SNX7: variants seen among roughly 807,000 people sequenced by gnomAD.
SNX7 encodes the protein sorting nexin 7.
A neutral mutation model predicts 48.4 loss-of-function variants in SNX7; 35 were observed. That is an observed-to-expected ratio of 0.72 (90% CI 0.55 to 0.96). The LOEUF is 0.96. SNX7 is among the 40% of genes least tolerant of loss of function. The pLI is 0.00. For missense variants in SNX7, 553 were observed against 548.9 expected, an observed-to-expected ratio of 1.01 and a Z score of -0.07; for synonymous variants, 190 against 190.2, an observed-to-expected ratio of 1.00 and a Z score of 0.01.
chr1:98,683,253 A>G (rs1057473051), intron 1 of SNX7, among the ~76,000 whole-genome samples: 6 of 152,114 alleles, frequency 3.9e-5, no homozygotes, highest in Admixed American at 3.3e-4. Context: ...CCTACACCAA[A>G]TAATAAAAAG....
chr1:98,756,435 T>TG (rs1383976536), intron 8 of SNX7, among the ~76,000 whole-genome samples: 5 of 145,968 alleles, frequency 3.4e-5, no homozygotes, highest in Admixed American at 1.4e-4. Context: ...TTTTTTTTTT[T>TG]TTTTTTTTTT....
Position 98,718,508 on chromosome 1 carries a change from C to T in SNX7, c.1125+16605C>T, listed in dbSNP as rs189874430. On this transcript the variant is annotated intron_variant, in intron 7 of 8. Transcript: ENST00000306121. ...AGGTACTTCAACATTTCATTCATCCCGTAAGATATATAGTCTTCAGCTCTA... is the reference window on the plus strand; with the variant it reads ...AGGTACTTCAACATTTCATTCATCCTGTAAGATATATAGTCTTCAGCTCTA... Among the ~76,000 whole-genome samples, 7 of 152,142 alleles carry T rather than the reference C, an allele frequency of 4.6e-5. No homozygotes were observed. In the East Asian group the frequency reaches 5.8e-4, roughly 13 times the overall value.
At chr1:98,730,725 C>A (rs4341382) in intron 7 of SNX7, among the ~76,000 whole-genome samples, 143,267 of 152,142 alleles carry the variant, frequency 0.94, 67,820 homozygotes, top group Non-Finnish European at 0.99. Flanking sequence ...AAGGAGAATG[C>A]CAAACCATTG....
intron 8 of SNX7, among the ~76,000 whole-genome samples, chr1:98,738,620 C>T (rs1653916032): frequency 6.6e-6 from 1 of 152,124 alleles, no homozygotes; most frequent in Admixed American, 6.5e-5. Flanking sequence ...AATGATTGTC[C>T]TAACTACTCC....
chr1:98,742,288 G>A (rs1271597072), intron 8 of SNX7, among the ~76,000 whole-genome samples: 4 of 152,092 alleles, frequency 2.6e-5, no homozygotes, highest in Non-Finnish European at 5.9e-5. Context: ...GGTGTCTATG[G>A]CACATAGCAG....
chr1:98,706,718 G>C (rs1225527021), intron 7 of SNX7, among the ~76,000 whole-genome samples: 5 of 152,094 alleles, frequency 3.3e-5, no homozygotes, highest in Admixed American at 3.3e-4. Context: ...GTGATGTTAA[G>C]GGGTCAGAAG....
At chr1:98,719,848 G>GT (rs1433360921) in intron 7 of SNX7, among the ~76,000 whole-genome samples, 1 of 130,458 alleles carries the variant, frequency 7.7e-6, no homozygotes, top group Admixed American at 8.2e-5. Context: ...TAAATATGAG[G>GT]TTTTTGAGTC....
intron 7 of SNX7, 81 bp downstream of exon 7, chr1:98,701,984 C>A: frequency 1.1e-6 from 1 of 926,936 alleles, no homozygotes; most frequent in Non-Finnish European, 1.7e-6. Context: ...ACATGATTGT[C>A]CTTACATGAT....
At chr1:98,705,275 G>A (rs1328475926) in intron 7 of SNX7, among the ~76,000 whole-genome samples, 3 of 152,134 alleles carry the variant, frequency 2.0e-5, no homozygotes, top group African/African-American at 7.2e-5. Flanking sequence ...TCATTTGAAG[G>A]TCAGTTCAGC....
intron 1 of SNX7, among the ~76,000 whole-genome samples, chr1:98,668,051 T>C (rs1225040578): frequency 6.6e-6 from 1 of 152,232 alleles, no homozygotes; most frequent in African/African-American, 2.4e-5. Flanking sequence ...AGTATTCTTT[T>C]ATATTTCTCC....
chr1:98,742,822 G>T (rs902945673), intron 8 of SNX7, among the ~76,000 whole-genome samples: 10 of 151,890 alleles, frequency 6.6e-5, no homozygotes, highest in Non-Finnish European at 1.2e-4. Flanking sequence ...TTTGGAATGT[G>T]TCAGCATAAA....
At chr1:98,727,651 A>G (rs1275386407) in intron 7 of SNX7, among the ~76,000 whole-genome samples, 1 of 152,128 alleles carries the variant, frequency 6.6e-6, no homozygotes, top group Non-Finnish European at 1.5e-5. Flanking sequence ...CAGGCATTAC[A>G]GGAGCTGTTA....
intron 7 of SNX7, among the ~76,000 whole-genome samples, chr1:98,722,017 A>G (rs1242439729): frequency 6.6e-6 from 1 of 152,074 alleles, no homozygotes; most frequent in Non-Finnish European, 1.5e-5. Context: ...TACCTGTTCT[A>G]AAATGTGGCC....
intron 1 of SNX7, among the ~76,000 whole-genome samples, chr1:98,671,406 TA>T (rs1350722620): frequency 1.3e-5 from 2 of 152,308 alleles, no homozygotes; most frequent in African/African-American, 4.8e-5. Context: ...AATACTGACA[TA>T]AAAATCTGCT....
intron 8 of SNX7, among the ~76,000 whole-genome samples, chr1:98,758,202 A>G (rs1193258467): frequency 6.6e-6 from 1 of 152,066 alleles, no homozygotes; most frequent in Non-Finnish European, 1.5e-5. Flanking sequence ...GGACAATTAT[A>G]AATTACAGTC....
intron 7 of SNX7, among the ~76,000 whole-genome samples, chr1:98,710,341 A>C (rs1030341563): frequency 6.6e-6 from 1 of 152,180 alleles, no homozygotes; most frequent in Non-Finnish European, 1.5e-5. Flanking sequence ...GGGGAGAAGA[A>C]GGAAGAAGAC....
chr1:98,673,058 C>T (rs1649969338), intron 1 of SNX7, among the ~76,000 whole-genome samples: 1 of 151,968 alleles, frequency 6.6e-6, no homozygotes, highest in Non-Finnish European at 1.5e-5. Context: ...CATACACATG[C>T]TTAACAATCT....
chr1:98,725,267 AG>A (rs1268667239), intron 7 of SNX7, among the ~76,000 whole-genome samples: 1 of 152,218 alleles, frequency 6.6e-6, no homozygotes, highest in Non-Finnish European at 1.5e-5. Flanking sequence ...GGCGATCCTT[AG>A]GCCATCACTG....
At chr1:98,701,743 A>G (rs1419251026) in intron 6 of SNX7, 74 bp from the exon 7 acceptor site, 1 of 921,922 alleles carries the variant, frequency 1.1e-6, no homozygotes, top group African/African-American at 1.7e-5. Flanking sequence ...ATATTCTGAA[A>G]TATATATTTT....
Sources: allele counts gnomAD v4.1 joint callset (sites outside exome capture counted in the v4.1 genomes callset), GRCh38; gene constraint gnomAD v4.1.1; transcripts MANE v1.5; gene names NCBI Gene and HGNC (gene_info 2026-07-23, HGNC 2026-07-21).